The following CAMK1D variants were observed in gnomAD, a reference collection of about 807,000 sequenced individuals.
CAMK1D encodes the protein calcium/calmodulin dependent protein kinase ID.
Under a neutral mutation model 47.7 loss-of-function variants are expected in CAMK1D, and 9 were observed. The ratio of observed to expected loss-of-function variants is 0.19; its 90% CI spans 0.11 to 0.33. CAMK1D has a LOEUF of 0.33. Among genes scored for constraint, CAMK1D ranks in the 10% least tolerant of loss-of-function variants. The probability of loss-of-function intolerance (pLI) is 1.00; values close to 1 mark genes in which losing one functional copy is unlikely to be tolerated. For missense variants in CAMK1D, 291 were observed against 488.7 expected (o/e 0.60, Z 3.81); for synonymous variants, 184 against 184.9 (o/e 0.99, Z 0.04).
intron 1 of CAMK1D, among the ~76,000 whole-genome samples, chr10:12,491,360 C>T (rs766673681): frequency 5.3e-5 from 8 of 152,072 alleles, no homozygotes; most frequent in South Asian, 2.1e-4. Flanking sequence ...GCCAGAAGCA[C>T]CTGTATTTAT....
At chr10:12,809,818 A>G (rs562354872) in intron 6 of CAMK1D, among the ~76,000 whole-genome samples, 111 of 152,300 alleles carry the variant, frequency 7.3e-4, no homozygotes, top group African/African-American at 2.6e-3. Flanking sequence ...CCCGTGCTAC[A>G]TTGCACCTAT....
At chr10:12,827,273 TTTC>T (rs1049476947) in intron 10 of CAMK1D, among the ~76,000 whole-genome samples, 3 of 66,728 alleles carry the variant, frequency 4.5e-5, no homozygotes, top group African/African-American at 1.4e-4. Context: ...TTTCCTTCTC[TTTC>T]TTTTCTTTTT....
chr10:12,361,632 G>A (rs1421199098), intron 1 of CAMK1D, among the ~76,000 whole-genome samples: 1 of 142,200 alleles, frequency 7.0e-6, no homozygotes, highest in African/African-American at 2.6e-5. Context: ...CTCTGCTCAC[G>A]GAAACCTCTG....
At chr10:12,690,070 G>A (rs1046477593) in intron 3 of CAMK1D, among the ~76,000 whole-genome samples, 2 of 152,166 alleles carry the variant, frequency 1.3e-5, no homozygotes, top group African/African-American at 2.4e-5. Context: ...GTACGGCCTC[G>A]TGCTCTGTGG....
rs183884848 is a variant in CAMK1D, at chr10:12,743,895, C to T, written c.300-17053C>T. The stretch of plus-strand genomic sequence containing the variant: ...GAAATTAGCTGGATGTGGTAGCACA[C>T]GCCTGTAATCCCAGCTACTCCAGAG... On this transcript the variant is annotated intron_variant, in intron 3 of 10. Transcript: ENST00000619168. Among the ~76,000 whole-genome samples, 259 of 152,204 alleles carry T rather than the reference C, an allele frequency of 1.7e-3. 1 individual carries two copies. The highest frequency in any genetic ancestry group is 5.9e-3 in the African/African-American group (247 of 41,544).
intron 1 of CAMK1D, among the ~76,000 whole-genome samples, chr10:12,462,894 A>T (rs1287527218): frequency 1.3e-5 from 2 of 152,184 alleles, no homozygotes; most frequent in Non-Finnish European, 2.9e-5. Context: ...AAGGTAATGG[A>T]GTCCTCTGCA....
At chr10:12,710,710 C>T (rs1203905140) in intron 3 of CAMK1D, among the ~76,000 whole-genome samples, 2 of 151,680 alleles carry the variant, frequency 1.3e-5, no homozygotes, top group Admixed American at 6.6e-5. Context: ...AGTCAGGACC[C>T]AGGCAAGAGG....
At chr10:12,449,047 A>T (rs1241421055) in intron 1 of CAMK1D, among the ~76,000 whole-genome samples, 2 of 152,152 alleles carry the variant, frequency 1.3e-5, no homozygotes, top group East Asian at 3.8e-4. Context: ...TTATTGTATG[A>T]TTCTATCCAG....
intron 1 of CAMK1D, among the ~76,000 whole-genome samples, chr10:12,427,700 G>GTTTTTTGTTTTT: frequency 3.2e-5 from 1 of 31,030 alleles, no homozygotes; most frequent in Non-Finnish European, 6.2e-5. Context: ...TGAACTTACT[G>GTTTTTTGTTTTT]TTTTTTTTTT....
At chr10:12,746,802 A>G (rs1835703579) in intron 3 of CAMK1D, among the ~76,000 whole-genome samples, 1 of 152,174 alleles carries the variant, frequency 6.6e-6, no homozygotes, top group Non-Finnish European at 1.5e-5. Context: ...CGCTTTCCTC[A>G]CCATGAAATG....
At chr10:12,780,651 T>C (rs1212851606) in intron 5 of CAMK1D, among the ~76,000 whole-genome samples, 1 of 152,216 alleles carries the variant, frequency 6.6e-6, no homozygotes, top group Non-Finnish European at 1.5e-5. Context: ...CTCGATGTGG[T>C]TGCTCCCCAA....
At chr10:12,635,937 A>T (rs1361286199) in intron 2 of CAMK1D, among the ~76,000 whole-genome samples, 1 of 152,242 alleles carries the variant, frequency 6.6e-6, no homozygotes, top group African/African-American at 2.4e-5. Context: ...AAACTATCCT[A>T]TTTAAAGTAG....
Position 12,606,913 on chromosome 10 carries a change from C to T in CAMK1D, c.224+53557C>T, listed in dbSNP as rs558400355. ...CGCAGTCTCAGCTCACTGCAACCTC[C>T]GCCTCCTGGGTTCAAGTGATTCTCC... On this transcript the variant is annotated intron_variant, in intron 2 of 10. Coordinates refer to ENST00000619168, the MANE Select transcript of CAMK1D (RefSeq NM_153498.4). Among the ~76,000 whole-genome samples the T allele has an allele frequency of 2.0e-5, 3 of 152,184 alleles. No individual in the cohort carries two copies. The South Asian group carries it at 6.2e-4, about 32-fold the overall frequency.
chr10:12,704,332 C>T (rs1159419458), intron 3 of CAMK1D, among the ~76,000 whole-genome samples: 1 of 152,094 alleles, frequency 6.6e-6, no homozygotes, highest in Non-Finnish European at 1.5e-5. Flanking sequence ...AATAGAAATA[C>T]GACTTCATTG....
chr10:12,389,772 C>T (rs1206873460), intron 1 of CAMK1D, among the ~76,000 whole-genome samples: 1 of 152,010 alleles, frequency 6.6e-6, no homozygotes, highest in Non-Finnish European at 1.5e-5. Context: ...AAGGTGCTTC[C>T]TTTTTGGGGA....
chr10:12,398,579 C>T (rs1839054270), intron 1 of CAMK1D, among the ~76,000 whole-genome samples: 1 of 152,126 alleles, frequency 6.6e-6, no homozygotes, highest in South Asian at 2.1e-4. Context: ...GAACTCCTGA[C>T]CTCAGGTGAT....
intron 4 of CAMK1D, among the ~76,000 whole-genome samples, chr10:12,762,657 G>A (rs904912799): frequency 6.6e-6 from 1 of 152,192 alleles, no homozygotes; most frequent in Non-Finnish European, 1.5e-5. Context: ...ACTGCTCTTG[G>A]AAAACCACTG....
At chr10:12,427,698 C>CTTTTTTTTTTTTTTTTTTT (rs1588474191) in intron 1 of CAMK1D, among the ~76,000 whole-genome samples, 3 of 27,392 alleles carry the variant, frequency 1.1e-4, no homozygotes, top group East Asian at 2.1e-3. Context: ...ACTGAACTTA[C>CTTTTTTTTTTTTTTTTTTT]TGTTTTTTTT....
intron 3 of CAMK1D, among the ~76,000 whole-genome samples, chr10:12,700,908 C>T (rs1432372239): frequency 1.3e-5 from 2 of 152,176 alleles, no homozygotes; most frequent in East Asian, 1.9e-4. Context: ...ACCATACTTA[C>T]ATTCTAATGT....
Sources: gnomAD v4.1 joint callset for allele counts (sites outside exome capture counted in the v4.1 genomes callset) on GRCh38, gnomAD v4.1.1 for gene constraint, MANE v1.5 for transcripts, NCBI Gene and HGNC (gene_info 2026-07-23, HGNC 2026-07-21) for gene names.